Variants in UBL3 observed in about 807,000 individuals in gnomAD.
The protein encoded by UBL3 is ubiquitin-like protein 3.
A neutral mutation model predicts 18.4 loss-of-function variants in UBL3; 6 were observed. The ratio of observed to expected loss-of-function variants is 0.33; its 90% CI spans 0.18 to 0.64. UBL3 has a LOEUF of 0.64. UBL3 is among the 30% of genes least tolerant of loss of function. The probability of loss-of-function intolerance (pLI) is 0.76; values close to 1 mark genes in which losing one functional copy is unlikely to be tolerated. For missense variants in UBL3, 109 were observed against 142.9 expected, an observed-to-expected ratio of 0.76 and a Z score of 1.21; for synonymous variants, 49 against 46.6, an observed-to-expected ratio of 1.05 and a Z score of -0.21.
chr13:29,790,760 G>A (rs1877460987), intron 1 of UBL3, among the ~76,000 whole-genome samples: 1 of 139,482 alleles, frequency 7.2e-6, no homozygotes, highest in South Asian at 2.3e-4. Flanking sequence ...CACAGAACTA[G>A]TGTTTGGTTA....
chr13:29,815,333 G>C (rs1878242247), intron 1 of UBL3, among the ~76,000 whole-genome samples: 3 of 152,072 alleles, frequency 2.0e-5, no homozygotes, highest in Admixed American at 6.6e-5. Context: ...TAATAAATCA[G>C]CTTCAAACTT....
At chr13:29,809,439 T>C (rs965064155) in intron 1 of UBL3, among the ~76,000 whole-genome samples, 6 of 152,162 alleles carry the variant, frequency 3.9e-5, no homozygotes, top group African/African-American at 1.4e-4. Flanking sequence ...CAGCCACCAA[T>C]AAGGCTGAAG....
intron 1 of UBL3, among the ~76,000 whole-genome samples, chr13:29,839,822 G>A (rs916663293): frequency 6.6e-6 from 1 of 151,732 alleles, no homozygotes; most frequent in Non-Finnish European, 1.5e-5. Context: ...AGTTACTCGG[G>A]AGGCTGAGGC....
intron 1 of UBL3, among the ~76,000 whole-genome samples, chr13:29,809,854 A>G (rs1877994806): frequency 1.3e-5 from 2 of 152,120 alleles, no homozygotes; most frequent in Non-Finnish European, 2.9e-5. Context: ...ACATCCTCCT[A>G]TATACTTTAA....
chr13:29,828,787 T>C (rs1449253040), intron 1 of UBL3, among the ~76,000 whole-genome samples: 4 of 152,244 alleles, frequency 2.6e-5, no homozygotes, highest in Non-Finnish European at 5.9e-5. Context: ...TGCTCTGTTT[T>C]TTCCCCATTT....
intron 1 of UBL3, among the ~76,000 whole-genome samples, chr13:29,803,087 T>G (rs1358662247): frequency 2.0e-5 from 3 of 152,066 alleles, no homozygotes; most frequent in Admixed American, 6.6e-5. Context: ...AATCATTCAC[T>G]TATACAAATA....
At chr13:29,839,656 A>G (rs957011948) in intron 1 of UBL3, among the ~76,000 whole-genome samples, 1 of 152,130 alleles carries the variant, frequency 6.6e-6, no homozygotes, top group South Asian at 2.1e-4. Context: ...GGCCGGGCGC[A>G]GTGGCTCACG....
At chr13:29,790,275 T>C (rs1280204360) in intron 1 of UBL3, among the ~76,000 whole-genome samples, 1 of 152,260 alleles carries the variant, frequency 6.6e-6, no homozygotes, top group Non-Finnish European at 1.5e-5. Flanking sequence ...AGTCACACTT[T>C]AGACTTGAAT....
chr13:29,789,190 C>T (rs1244112331), intron 1 of UBL3, among the ~76,000 whole-genome samples: 3 of 152,112 alleles, frequency 2.0e-5, no homozygotes, highest in Non-Finnish European at 2.9e-5. Context: ...TGAGCCACCA[C>T]GCCCGGCGGG....
chr13:29,821,402 T>G (rs1878438721), intron 1 of UBL3, among the ~76,000 whole-genome samples: 1 of 152,220 alleles, frequency 6.6e-6, no homozygotes, highest in Non-Finnish European at 1.5e-5. Context: ...ACAGCTGTAC[T>G]GCGTCATGTC....
intron 1 of UBL3, among the ~76,000 whole-genome samples, chr13:29,818,164 C>T (rs1355625922): frequency 3.9e-5 from 6 of 152,138 alleles, no homozygotes; most frequent in Non-Finnish European, 7.4e-5. Context: ...GGAAGTTCAG[C>T]AGCAAAAGTA....
intron 1 of UBL3, among the ~76,000 whole-genome samples, chr13:29,795,755 GAAAA>G (rs57782695): frequency 5.3e-4 from 35 of 66,192 alleles, no homozygotes; most frequent in Non-Finnish European, 8.6e-4. Context: ...CCTCATCTCA[GAAAA>G]AAAAAAAAAA....
intron 1 of UBL3, among the ~76,000 whole-genome samples, chr13:29,829,728 T>C (rs1410556862): frequency 6.6e-6 from 1 of 152,296 alleles, no homozygotes; most frequent in East Asian, 1.9e-4. Flanking sequence ...CCCAGTGAGA[T>C]GAACCCAGTA....
chr13:29,790,718 A>G (rs940934978), intron 1 of UBL3, among the ~76,000 whole-genome samples: 1 of 152,112 alleles, frequency 6.6e-6, no homozygotes, highest in Non-Finnish European at 1.5e-5. Context: ...TACAGAACCA[A>G]TTTTCTTTCC....
intron 1 of UBL3, among the ~76,000 whole-genome samples, chr13:29,799,666 A>G (rs929790287): frequency 6.6e-6 from 1 of 152,170 alleles, no homozygotes; most frequent in Admixed American, 6.5e-5. Context: ...ATTGAAGGGA[A>G]AAAAAGAGTC....
intron 1 of UBL3, among the ~76,000 whole-genome samples, chr13:29,794,844 A>G (rs1482699832): frequency 6.6e-6 from 1 of 152,274 alleles, no homozygotes; most frequent in Admixed American, 6.5e-5. Context: ...ATTAGCAGGT[A>G]CACTTCAATA....
rs1876710737 is a variant in UBL3 at position 29,767,163 on chromosome 13, T to C, written c.*92A>G. The C allele has an allele frequency of 2.8e-6, 4 of 1,418,240 alleles. No individual in the cohort carries two copies. The highest frequency in any genetic ancestry group is 1.2e-5 in the South Asian group (1 of 83,526). 87.9% of individuals were successfully genotyped at this position (1,418,240 alleles called of 1,614,324 possible). On this transcript the variant is annotated 3_prime_UTR_variant, in exon 5 of 5. Coordinates refer to ENST00000380680, the MANE Select transcript of UBL3 (RefSeq NM_007106.4). ...GTTCCATGTGTTTACAGGCAGACTGTTCTGAACGGTTTCTGAAGCAATGTC... is the reference window on the plus strand; with the variant it reads ...GTTCCATGTGTTTACAGGCAGACTGCTCTGAACGGTTTCTGAAGCAATGTC...
intron 1 of UBL3, among the ~76,000 whole-genome samples, chr13:29,817,888 A>T (rs1177280909): frequency 6.6e-6 from 1 of 152,232 alleles, no homozygotes; most frequent in Non-Finnish European, 1.5e-5. Context: ...GATTTGATCC[A>T]GAGAATGTTT....
At position 29,809,582 on chromosome 13, in the gene UBL3, G is replaced by A. The variant is rs542919546; in HGVS notation, c.28-32319C>T. ...CTGAAGGTCATCATGGCTGTTGTAC[G>A]GATAGAGCATTCTTTCCTTAGGAAC... is the stretch of plus-strand genomic sequence containing the variant. On this transcript the variant is annotated intron_variant, in intron 1 of 4. Transcript: ENST00000380680. 5.9e-5 allele frequency among the ~76,000 whole-genome samples: 9 copies of A among 152,184 alleles called. No individual in the cohort carries two copies. In the South Asian group the frequency reaches 8.3e-4, roughly 14 times the overall value.
Sources: gnomAD v4.1 joint callset for allele counts (sites outside exome capture counted in the v4.1 genomes callset) on GRCh38, gnomAD v4.1.1 for gene constraint, MANE v1.5 for transcripts, NCBI Gene and HGNC (gene_info 2026-07-23, HGNC 2026-07-21) for gene names.